The following LIN9 variants were observed in gnomAD, a reference collection of about 807,000 sequenced individuals.
LIN9 encodes the protein lin-9 DREAM MuvB core complex component, also known as protein lin-9 homolog.
LIN9 carries 18 observed loss-of-function variants against 78.0 expected under a neutral mutation model. The observed-to-expected ratio is 0.23, with a 90% confidence interval of 0.16 to 0.34. LIN9 has a LOEUF of 0.34. LIN9 is among the 10% of genes least tolerant of loss of function. LIN9 has a pLI of 1.00. For missense variants in LIN9, 451 were observed against 644.1 expected, an observed-to-expected ratio of 0.70 and a Z score of 3.25; for synonymous variants, 192 against 215.2, an observed-to-expected ratio of 0.89 and a Z score of 0.94.
chr1:226,276,851 C>T (rs1226570745), intron 7 of LIN9, among the ~76,000 whole-genome samples: 2 of 152,116 alleles, frequency 1.3e-5, no homozygotes, highest in Non-Finnish European at 2.9e-5. Context: ...AGAATCACAT[C>T]TATAAAACGG....
In LIN9 at chr1:226,301,212, TTAAAAA is replaced by T; in HGVS notation, c.32-13_32-8del. 6.3e-7 allele frequency: 1 copy of T among 1,598,480 alleles called. No individual in the cohort carries two copies. Among genetic ancestry groups the T allele is most frequent in the Non-Finnish European group, 8.5e-7 (1 of 1,175,904 alleles). ...AGGGCTTTTGCTGAAGAGCCTGCAATTAAAAATAAAACAAATCAATAATTATTTCAT... is the reference window on the plus strand; with the variant it reads ...AGGGCTTTTGCTGAAGAGCCTGCAATTAAAACAAATCAATAATTATTTCAT... On this transcript the variant is annotated splice_polypyrimidine_tract_variant and splice_region_variant and intron_variant, in intron 1 of 14. Transcript: ENST00000681046.
chr1:226,263,336 T>C (rs1203899673), intron 10 of LIN9, among the ~76,000 whole-genome samples: 1 of 152,098 alleles, frequency 6.6e-6, no homozygotes, highest in Admixed American at 6.5e-5. Flanking sequence ...ATGTACCATC[T>C]GCTGGGAGAT....
intron 4 of LIN9, among the ~76,000 whole-genome samples, chr1:226,292,213 T>C (rs1176769827): frequency 6.6e-6 from 1 of 152,036 alleles, no homozygotes; most frequent in African/African-American, 2.4e-5. Context: ...CAGGCTGGAG[T>C]GTAGTGGCGC....
chr1:226,263,872 G>A (rs1576309672), intron 10 of LIN9, among the ~76,000 whole-genome samples: 1 of 152,210 alleles, frequency 6.6e-6, no homozygotes, highest in Admixed American at 6.6e-5. Context: ...AGGAGTTCAA[G>A]ACCAGCCTAG....
intron 7 of LIN9, among the ~76,000 whole-genome samples, chr1:226,276,949 C>T (rs1660703287): frequency 6.6e-6 from 1 of 151,990 alleles, no homozygotes; most frequent in African/African-American, 2.4e-5. Flanking sequence ...TTTCTAGACC[C>T]AAAGTCCACG....
At position 226,287,723 on chromosome 1, in the gene LIN9, G is replaced by A. The variant is rs1661460761; in HGVS notation, c.339C>T (p.Leu113=). 6.4e-7 allele frequency: 1 copy of A among 1,554,616 alleles called. No homozygotes were observed. The highest frequency in any genetic ancestry group is 1.2e-5 in the South Asian group (1 of 82,516). The change falls in exon 5 of 15, where the codon CTC becomes CTT. Residue 113 remains leucine (L), a synonymous_variant. Coordinates refer to ENST00000681046, the MANE Select transcript of LIN9 (RefSeq NM_001366245.2). ...ACCATTTATGTGCTTTAGGAAGCTT[G>A]AGCAGATTACGTAATCGAAAACCAA... ...QKIGFRLRNL[L]KLPKAHKWCI... is the part of the protein sequence containing the mutation.
chr1:226,272,145 C>T (rs1215659668), intron 7 of LIN9, among the ~76,000 whole-genome samples: 1 of 151,482 alleles, frequency 6.6e-6, no homozygotes, highest in Non-Finnish European at 1.5e-5. Context: ...CAACTTCTAC[C>T]TCCCAGGTTC....
At chr1:226,257,220 G>C (rs564696262) in intron 10 of LIN9, among the ~76,000 whole-genome samples, 1 of 152,248 alleles carries the variant, frequency 6.6e-6, no homozygotes, top group East Asian at 1.9e-4. Flanking sequence ...AAAGTGCTAG[G>C]ATCACAGGCG....
intron 1 of LIN9, among the ~76,000 whole-genome samples, chr1:226,302,463 A>C (rs1662610037): frequency 6.6e-6 from 1 of 151,670 alleles, no homozygotes; most frequent in Non-Finnish European, 1.5e-5. Flanking sequence ...GAATGGCGTG[A>C]GCCCACAAGG....
intron 12 of LIN9, among the ~76,000 whole-genome samples, chr1:226,233,919 T>C (rs1439452534): frequency 2.0e-5 from 3 of 152,216 alleles, no homozygotes; most frequent in Admixed American, 2.0e-4. Context: ...TGTATTTCCT[T>C]GGTATTTTTG....
intron 4 of LIN9, among the ~76,000 whole-genome samples, chr1:226,291,195 T>C (rs1233554661): frequency 6.6e-6 from 1 of 152,198 alleles, no homozygotes; most frequent in African/African-American, 2.4e-5. Flanking sequence ...GCTCAGGATG[T>C]TCACTGCAGC....
chr1:226,232,632 CTACTT>C (rs774783405), intron 14 of LIN9, 26 bp from the exon 15 acceptor site: 10 of 1,425,600 alleles, frequency 7.0e-6, no homozygotes, highest in African/African-American at 2.9e-5. Flanking sequence ...ACATGGTTAA[CTACTT>C]TATTTCAAAA....
intron 1 of LIN9, among the ~76,000 whole-genome samples, chr1:226,302,547 CAAAAA>C (rs750572116): frequency 1.3e-5 from 1 of 79,120 alleles, no homozygotes. Flanking sequence ...ACTCCATGTC[CAAAAA>C]AAAAAAAAAA....
intron 5 of LIN9, 22 bp downstream of exon 5, chr1:226,287,642 T>C (rs1661454703): frequency 6.8e-7 from 1 of 1,473,506 alleles, no homozygotes. Context: ...GTAATATTCA[T>C]AATATAAGCC....
chr1:226,303,511 A>G (rs949682927), intron 1 of LIN9, among the ~76,000 whole-genome samples: 16 of 152,262 alleles, frequency 1.1e-4, no homozygotes, highest in African/African-American at 3.6e-4. Context: ...TATATAGGCC[A>G]TAAGAATATC....
chr1:226,287,594 A>G, intron 5 of LIN9, 70 bp downstream of exon 5: 1 of 1,052,124 alleles, frequency 9.5e-7, no homozygotes, highest in Non-Finnish European at 1.4e-6. Context: ...AAAATGTTGT[A>G]GCTTAAAACA....
upstream of LIN9, chr1:226,309,743 C>G (rs2102702018): frequency 7.8e-7 from 1 of 1,287,852 alleles, no homozygotes. Context: ...CGGCCCCTCG[C>G]GATCCGGGCA....
intron 12 of LIN9, among the ~76,000 whole-genome samples, chr1:226,238,640 T>TA (rs1657898161): frequency 4.6e-5 from 7 of 151,152 alleles, no homozygotes; most frequent in African/African-American, 1.7e-4. Context: ...AAAAAATAAA[T>TA]AAATAAATAA....
chr1:226,287,748 A>G lies in LIN9; in HGVS notation c.314T>C (p.Ile105Thr). 1.3e-6 allele frequency: 2 copies of G among 1,552,684 alleles called. No homozygotes were observed. Among genetic ancestry groups the G allele is most frequent in the Non-Finnish European group, 1.7e-6 (2 of 1,160,516 alleles). Residue 105 changes from isoleucine to threonine, a missense_variant, in exon 5 of 15, where the codon ATT (isoleucine) becomes ACT (threonine). Ile to Thr is a moderately conservative substitution (Grantham distance 89). Coordinates refer to ENST00000681046, the MANE Select transcript of LIN9 (RefSeq NM_001366245.2). The stretch of plus-strand genomic sequence containing the variant: ...GAGCAGATTACGTAATCGAAAACCA[A>G]TCTTCTGTGAAGCTTTCTTATCTGG... Reference protein sequence around the residue: ...STPDKKASQKIGFRLRNLLKL... With the variant: ...STPDKKASQKTGFRLRNLLKL...
Sources: allele counts gnomAD v4.1 joint callset (sites outside exome capture counted in the v4.1 genomes callset), GRCh38; gene constraint gnomAD v4.1.1; transcripts MANE v1.5; gene names NCBI Gene and HGNC (gene_info 2026-07-23, HGNC 2026-07-21).